Variants in SPTLC3 observed in about 807,000 individuals in gnomAD.
SPTLC3 encodes the protein serine palmitoyltransferase long chain base subunit 3.
SPTLC3 carries 36 observed loss-of-function variants against 59.3 expected under a neutral mutation model. That is an observed-to-expected ratio of 0.61 (90% CI 0.47 to 0.80). SPTLC3 has a LOEUF of 0.80. Among genes scored for constraint, SPTLC3 ranks in the 30% least tolerant of loss-of-function variants. The pLI is 0.00. For synonymous variants in SPTLC3, 257 were observed against 240.8 expected, an observed-to-expected ratio of 1.07 and a Z score of -0.62; for missense variants, 625 against 685.1, an observed-to-expected ratio of 0.91 and a Z score of 0.98.
intron 4 of SPTLC3, among the ~76,000 whole-genome samples, chr20:13,086,116 TA>T (rs974315869): frequency 3.3e-5 from 5 of 152,182 alleles, no homozygotes; most frequent in Admixed American, 1.3e-4. Flanking sequence ...TCTTAGGAGT[TA>T]AAAAATGCCA....
intron 2 of SPTLC3, among the ~76,000 whole-genome samples, chr20:13,064,207 C>T (rs1204838654): frequency 6.8e-6 from 1 of 147,862 alleles, no homozygotes; most frequent in African/African-American, 2.5e-5. Context: ...TTTTTTTTAA[C>T]GATATTTCTA....
rs554154117 is a variant in SPTLC3 at position 13,102,913 on chromosome 20, C to T, written c.827-7199C>T. ...GAGTCAAAAGTTGCTGCAATTACCC[C>T]CTCCCCCTGCAGGGTAAACAGGCCC... On this transcript the variant is annotated intron_variant, in intron 6 of 11. Transcript: ENST00000399002. Among the ~76,000 whole-genome samples, 201 of 152,266 alleles carry T rather than the reference C, an allele frequency of 1.3e-3. 1 individual carries two copies. The highest frequency in any genetic ancestry group is 4.5e-3 in the African/African-American group (188 of 41,534).
At chr20:13,048,792 T>C (rs1987341603) in intron 1 of SPTLC3, among the ~76,000 whole-genome samples, 153 bp from the exon 2 acceptor site, 1 of 152,228 alleles carries the variant, frequency 6.6e-6, no homozygotes. Context: ...AGTTTGCATT[T>C]TTGATTACCC....
chr20:13,154,173 A>G, intron 10 of SPTLC3, 35 bp downstream of exon 10: 2 of 1,610,590 alleles, frequency 1.2e-6, no homozygotes, highest in South Asian at 2.2e-5. Context: ...TCACACCTAA[A>G]CCCCAAGGTG....
At chr20:13,099,157 G>T (rs1224470117) in intron 6 of SPTLC3, among the ~76,000 whole-genome samples, 1 of 152,196 alleles carries the variant, frequency 6.6e-6, no homozygotes, top group Non-Finnish European at 1.5e-5. Context: ...CAATCATAGG[G>T]TTGTTAAATG....
intron 2 of SPTLC3, among the ~76,000 whole-genome samples, chr20:13,059,341 A>C (rs972746586): frequency 6.6e-6 from 1 of 152,170 alleles, no homozygotes. Flanking sequence ...AGAGCTTGCT[A>C]GAACTCTCAG....
chr20:13,036,240 C>T (rs1171972724), intron 1 of SPTLC3, among the ~76,000 whole-genome samples: 2 of 152,070 alleles, frequency 1.3e-5, no homozygotes, highest in African/African-American at 4.8e-5. Context: ...TATTTATACA[C>T]TGATTTTTTT....
At chr20:13,042,974 T>C (rs1987059008) in intron 1 of SPTLC3, among the ~76,000 whole-genome samples, 1 of 152,208 alleles carries the variant, frequency 6.6e-6, no homozygotes, top group Non-Finnish European at 1.5e-5. Flanking sequence ...CTACCTTCCA[T>C]AGATTTTTAA....
intron 2 of SPTLC3, among the ~76,000 whole-genome samples, chr20:13,059,744 C>G (rs1212213827): frequency 6.6e-6 from 1 of 152,188 alleles, no homozygotes; most frequent in Non-Finnish European, 1.5e-5. Flanking sequence ...TTACCACCCC[C>G]ACAAACTCCA....
chr20:13,021,559 C>T (rs1985886741), intron 1 of SPTLC3, among the ~76,000 whole-genome samples: 1 of 141,268 alleles, frequency 7.1e-6, no homozygotes, highest in Non-Finnish European at 1.5e-5. Flanking sequence ...CCACCAATCC[C>T]CCGCCACCAT....
chr20:13,092,960 A>C lies in SPTLC3; in HGVS notation c.733-524A>C, dbSNP rs570341804. ...TACCTCAGACTGAATTGCCATCCAT[A>C]CTTCTCCAAATTCAAAGTTTTTGAC... On this transcript the variant is annotated intron_variant, in intron 5 of 11. Coordinates refer to ENST00000399002, the MANE Select transcript of SPTLC3 (RefSeq NM_018327.4). Among the ~76,000 whole-genome samples, 5 of 152,322 alleles carry C rather than the reference A, an allele frequency of 3.3e-5. No individual in the cohort carries two copies. In the South Asian group the frequency reaches 8.3e-4, roughly 25 times the overall value.
intron 6 of SPTLC3, among the ~76,000 whole-genome samples, chr20:13,106,761 G>A (rs1343029866): frequency 6.6e-6 from 1 of 152,214 alleles, no homozygotes; most frequent in Non-Finnish European, 1.5e-5. Flanking sequence ...AGACCAGGGG[G>A]CTAGCCTGGG....
intron 7 of SPTLC3, among the ~76,000 whole-genome samples, chr20:13,113,695 C>A (rs570788827): frequency 1.3e-5 from 2 of 152,288 alleles, no homozygotes; most frequent in Non-Finnish European, 2.9e-5. Flanking sequence ...AATAAATATT[C>A]AATGAGGTCA....
intron 1 of SPTLC3, among the ~76,000 whole-genome samples, chr20:13,042,967 C>A (rs2122478000): frequency 6.6e-6 from 1 of 152,276 alleles, no homozygotes; most frequent in East Asian, 1.9e-4. Flanking sequence ...AAATAGTCTA[C>A]CTTCCATAGA....
At chr20:13,141,716 G>C (rs1436219221) in intron 9 of SPTLC3, among the ~76,000 whole-genome samples, 1 of 152,220 alleles carries the variant, frequency 6.6e-6, no homozygotes, top group Non-Finnish European at 1.5e-5. Flanking sequence ...TGAGGGCATG[G>C]AGAGCTGCAT....
intron 4 of SPTLC3, among the ~76,000 whole-genome samples, chr20:13,078,423 C>T (rs1007559462): frequency 6.6e-6 from 1 of 151,226 alleles, no homozygotes; most frequent in Non-Finnish European, 1.5e-5. Flanking sequence ...ATCCATTTCT[C>T]TAAAATTTTA....
At chr20:13,084,962 A>G (rs973714967) in intron 4 of SPTLC3, among the ~76,000 whole-genome samples, 5 of 152,224 alleles carry the variant, frequency 3.3e-5, no homozygotes, top group Non-Finnish European at 4.4e-5. Flanking sequence ...GTGAAAGACC[A>G]TCATAATTAT....
chr20:13,103,276 A>G (rs1989685274), intron 6 of SPTLC3, among the ~76,000 whole-genome samples: 1 of 152,244 alleles, frequency 6.6e-6, no homozygotes, highest in Non-Finnish European at 1.5e-5. Flanking sequence ...AAAGGGGGAC[A>G]GTCCTCCCCA....
chr20:13,145,651 T>C (rs2038492067), intron 9 of SPTLC3, among the ~76,000 whole-genome samples: 2 of 152,084 alleles, frequency 1.3e-5, no homozygotes, highest in Non-Finnish European at 2.9e-5. Context: ...TTAAAATTCA[T>C]ATGGAACCAA....
Sources: allele counts gnomAD v4.1 joint callset (sites outside exome capture counted in the v4.1 genomes callset), GRCh38; gene constraint gnomAD v4.1.1; transcripts MANE v1.5; gene names NCBI Gene and HGNC (gene_info 2026-07-23, HGNC 2026-07-21).